AARSD1: variants seen among roughly 807,000 people sequenced by gnomAD.
The protein encoded by AARSD1 is alanyl-tRNA editing protein Aarsd1.
A neutral mutation model predicts 48.7 loss-of-function variants in AARSD1; 44 were observed. The ratio of observed to expected loss-of-function variants is 0.90; its 90% confidence interval spans 0.71 to 1.16. The LOEUF is 1.16. Among genes scored for constraint, AARSD1 ranks in the 50% most tolerant of loss-of-function variants. AARSD1 has a pLI of 0.00. For missense variants in AARSD1, 511 were observed against 523.1 expected (o/e 0.98, Z 0.23); for synonymous variants, 189 against 194.9 (o/e 0.97, Z 0.25).
chr17:42,958,286 G>A (rs1328092675), intron 3 of AARSD1, among the ~76,000 whole-genome samples: 1 of 152,142 alleles, frequency 6.6e-6, no homozygotes, highest in Non-Finnish European at 1.5e-5. Flanking sequence ...TGGATCATGA[G>A]GTCAAGAGTT....
chr17:42,953,918 C>T (rs891492620), intron 9 of AARSD1, 140 bp from the exon 10 acceptor site: 2 of 1,097,748 alleles, frequency 1.8e-6, no homozygotes, highest in African/African-American at 3.1e-5. Context: ...AGAGAGAGTA[C>T]TGGCTGAAAG....
In AARSD1 at chr17:42,954,900, C is replaced by T; in HGVS notation, c.929G>A (p.Trp310Ter). 6.2e-7 allele frequency: 1 copy of T among 1,614,158 alleles called. No individual in the cohort carries two copies. The highest frequency in any genetic ancestry group is 2.2e-5 in the East Asian group (1 of 44,874). ...CCTGTGTAATATGACCACACCTCCC[C>T]AGTCTGGACTGTTCCTGAGGCTATG... ...IAHSLRNSPD[W>*]GGVVILHRKE... The change falls in exon 9 of 12, where the codon TGG (tryptophan) becomes TAG (stop). Residue 310 changes from tryptophan (W) to a stop codon, truncating the protein, a stop_gained. Transcript: ENST00000427569. LOFTEE classifies it high-confidence loss of function.
At position 42,956,416 on chromosome 17, in the gene AARSD1, AG is replaced by A; in HGVS notation, c.533del (p.Pro178LeufsTer6). 1 of 1,614,006 alleles carries A rather than the reference AG, an allele frequency of 6.2e-7. No individual in the cohort carries two copies. The highest frequency in any genetic ancestry group is 8.5e-7 in the Non-Finnish European group (1 of 1,180,008). ...GCTCTACCCTTACCTGCTCCACCTC[AG>A]GATCATCCAGGCTCAGTTCTCGGAC... ...VNVRELSLDDPEVEQVSGRGL... is the reference protein window; with the variant it reads ...VNVRELSLDDXEVEQVSGRGL... On this transcript the variant is annotated frameshift_variant, in exon 5 of 12. Transcript: ENST00000427569. LOFTEE classifies it high-confidence loss of function.
intron 10 of AARSD1, 111 bp from the exon 11 acceptor site, chr17:42,952,005 C>A: frequency 5.7e-6 from 7 of 1,225,104 alleles, no homozygotes; most frequent in Non-Finnish European, 6.9e-6. Flanking sequence ...CCTAAACCAC[C>A]AAGTGACGCT....
chr17:42,964,035 AG>A, intron 2 of AARSD1, 70 bp downstream of exon 2: 1 of 1,593,304 alleles, frequency 6.3e-7, no homozygotes, highest in Non-Finnish European at 8.5e-7. Flanking sequence ...CTGAGAAAAA[AG>A]GGGCAGGAGA....
In AARSD1 at chr17:42,956,281, T is replaced by C. The variant is rs199585384; in HGVS notation, c.586A>G (p.Ile196Val). Residue 196 changes from isoleucine (I) to valine (V), a missense_variant, in exon 6 of 12, where the codon ATT (isoleucine) becomes GTT (valine). By Grantham distance (29) the Ile-to-Val change is conservative. Coordinates refer to ENST00000427569, the MANE Select transcript of AARSD1 (RefSeq NM_001261434.2). Reference sequence around the variant, plus strand: ...ACGCCCTCGATGTTAACAACCCGAATGGGCCCAGCATGATCATCAGGCAAA... The same window carrying C: ...ACGCCCTCGATGTTAACAACCCGAACGGGCCCAGCATGATCATCAGGCAAA... ...RGLPDDHAGPIRVVNIEGVDS... is the reference protein window; with the variant it reads ...RGLPDDHAGPVRVVNIEGVDS... 4 of 1,613,992 alleles carry C rather than the reference T, an allele frequency of 2.5e-6. No homozygotes were observed. The highest frequency in any genetic ancestry group is 2.5e-6 in the Non-Finnish European group (3 of 1,180,012).
intron 3 of AARSD1, among the ~76,000 whole-genome samples, chr17:42,959,285 C>A (rs1350311744): frequency 6.6e-6 from 1 of 150,944 alleles, no homozygotes; most frequent in African/African-American, 2.4e-5. Context: ...GTGGTGCCAT[C>A]TCAGCTCACT....
chr17:42,956,490 T>C lies in AARSD1; in HGVS notation c.460A>G (p.Ile154Val), dbSNP rs776579876. ...ATTTTTTCATTGACGCTCTGCTCAA[T>C]GGCAGCTACTTGCTCTGCAGTCATA... Reference protein sequence around the residue: ...PSMTAEQVAAIEQSVNEKIRD... With the variant: ...PSMTAEQVAAVEQSVNEKIRD... The change falls in exon 5 of 12, where the codon ATT becomes GTT. Residue 154 changes from isoleucine (I) to valine (V), a missense_variant. Transcript: ENST00000427569. 4 of 1,614,058 alleles carry C rather than the reference T, an allele frequency of 2.5e-6. No individual in the cohort carries two copies. Among genetic ancestry groups the C allele is most frequent in the Non-Finnish European group, 3.4e-6 (4 of 1,180,002 alleles).
At chr17:42,952,836 T>G (rs1485577681) in intron 10 of AARSD1, among the ~76,000 whole-genome samples, 2 of 150,854 alleles carry the variant, frequency 1.3e-5, no homozygotes, top group East Asian at 3.9e-4. Context: ...TTTTTTTTTT[T>G]GGAGACAGTC....
intron 10 of AARSD1, among the ~76,000 whole-genome samples, chr17:42,952,778 C>T (rs1211053794): frequency 2.0e-5 from 3 of 150,290 alleles, no homozygotes; most frequent in African/African-American, 4.9e-5. Flanking sequence ...GGAAAATGGA[C>T]GGGGATGGCT....
At chr17:42,956,110 T>A in intron 6 of AARSD1, 94 bp downstream of exon 6, 1 of 1,609,786 alleles carries the variant, frequency 6.2e-7, no homozygotes, top group Non-Finnish European at 8.5e-7. Flanking sequence ...CACTTAGGAC[T>A]CCTCGATTAT....
chr17:42,956,499 C>T lies in AARSD1; in HGVS notation c.451G>A (p.Val151Ile), dbSNP rs913661176. Reference protein sequence around the residue: ...LDTPSMTAEQVAAIEQSVNEK... With the variant: ...LDTPSMTAEQIAAIEQSVNEK... ...TTGACGCTCTGCTCAATGGCAGCTA[C>T]TTGCTCTGCAGTCATAGAGGGGGTG... Residue 151 changes from valine (V) to isoleucine (I), a missense_variant, in exon 5 of 12, where the codon GTA becomes ATA. Val to Ile is a conservative substitution (Grantham distance 29). Coordinates refer to ENST00000427569, the MANE Select transcript of AARSD1 (RefSeq NM_001261434.2). The T allele has an allele frequency of 7.4e-6, 12 of 1,614,092 alleles. No homozygotes were observed. The highest frequency in any genetic ancestry group is 1.0e-5 in the Non-Finnish European group (12 of 1,180,014).
intron 9 of AARSD1, 58 bp from the exon 10 acceptor site, chr17:42,953,836 G>A: frequency 1.2e-6 from 2 of 1,610,854 alleles, no homozygotes; most frequent in Non-Finnish European, 1.7e-6. Flanking sequence ...TGAAACTGCA[G>A]GAAGCCTGGC....
At position 42,956,231 on chromosome 17, in the gene AARSD1, G is replaced by T; in HGVS notation, c.636C>A (p.Thr212=). The part of the protein sequence containing the change: ...EGVDSNMCCG[T]HVSNLSDLQV... Reference sequence around the variant, plus strand: ...GAAGGTCACTGAGATTGCTCACATGGGTCCCACAGCACATGTTGGAATCAA... The same window carrying T: ...GAAGGTCACTGAGATTGCTCACATGTGTCCCACAGCACATGTTGGAATCAA... The change falls in exon 6 of 12, where the codon ACC becomes ACA. Residue 212 remains threonine (T), a synonymous_variant. Coordinates refer to ENST00000427569, the MANE Select transcript of AARSD1 (RefSeq NM_001261434.2). The T allele has an allele frequency of 6.2e-7, 1 of 1,614,056 alleles. No homozygotes were observed. The highest frequency in any genetic ancestry group is 8.5e-7 in the Non-Finnish European group (1 of 1,180,042).
intron 3 of AARSD1, among the ~76,000 whole-genome samples, chr17:42,958,046 C>T (rs1308739381): frequency 1.3e-5 from 2 of 152,022 alleles, no homozygotes; most frequent in Admixed American, 1.3e-4. Context: ...CAGGATGCAG[C>T]CAGCAAGAGG....
At chr17:42,952,202 G>A in intron 10 of AARSD1, 1 of 360,240 alleles carries the variant, frequency 2.8e-6, no homozygotes, top group Non-Finnish European at 5.3e-6. Flanking sequence ...TCCTTTCCCT[G>A]CCACTGCCTA....
At chr17:42,959,891 T>A (rs1397695013) in intron 3 of AARSD1, among the ~76,000 whole-genome samples, 2 of 151,586 alleles carry the variant, frequency 1.3e-5, no homozygotes, top group Non-Finnish European at 2.9e-5. Context: ...CTCGATCTCT[T>A]AACTTCATGA....
At chr17:42,962,255 A>C (rs191708419) in intron 2 of AARSD1, 29 of 267,044 alleles carry the variant, frequency 1.1e-4, no homozygotes, top group African/African-American at 6.1e-4. Context: ...AGCCGAGATC[A>C]CGCCGCTGCG....
At chr17:42,956,966 C>CCT (rs2049565158) in intron 4 of AARSD1, among the ~76,000 whole-genome samples, 172 bp downstream of exon 4, 1 of 118,610 alleles carries the variant, frequency 8.4e-6, no homozygotes, top group African/African-American at 3.3e-5. Context: ...TGCGCCTGGC[C>CCT]TTTTTTTTTT....
Sources: allele counts gnomAD v4.1 joint callset (sites outside exome capture counted in the v4.1 genomes callset), GRCh38; gene constraint gnomAD v4.1.1; transcripts MANE v1.5; gene names NCBI Gene and HGNC (gene_info 2026-07-23, HGNC 2026-07-21).